Variants in FHIP1A observed in about 807,000 individuals in gnomAD.
FHIP1A encodes FHF complex subunit HOOK-interacting protein 1A.
In FHIP1A, 61 loss-of-function variants were observed where a neutral mutation model predicts 88.6. That is an observed-to-expected ratio of 0.69 (90% CI 0.56 to 0.85). FHIP1A has a LOEUF of 0.85. Ranked by LOEUF, FHIP1A falls within the 40% of genes least tolerant of loss-of-function variation. The pLI is 0.00. For synonymous variants in FHIP1A, 478 were observed against 496.0 expected (o/e 0.96, Z 0.48); for missense variants, 1,154 against 1,273.5 (o/e 0.91, Z 1.43).
chr4:151,484,567 G>A (rs1048574846), intron 3 of FHIP1A, among the ~76,000 whole-genome samples: 2 of 152,192 alleles, frequency 1.3e-5, no homozygotes, highest in African/African-American at 4.8e-5. Context: ...AGGAAATGAT[G>A]GTGGATACTA....
At chr4:151,563,787 C>T (rs762381495) in intron 3 of FHIP1A, among the ~76,000 whole-genome samples, 5 of 151,896 alleles carry the variant, frequency 3.3e-5, no homozygotes, top group Admixed American at 1.3e-4. Context: ...CTCAGGAGTT[C>T]GAGACCAGCC....
intron 1 of FHIP1A, among the ~76,000 whole-genome samples, chr4:151,422,717 C>G (rs112860397): frequency 1.5e-4 from 23 of 152,106 alleles, no homozygotes; most frequent in African/African-American, 5.3e-4. Context: ...GGAGGTACTT[C>G]ACTAGATCCT....
chr4:151,452,936 G>GTATATATATATATATATATATATA (rs111734450), intron 1 of FHIP1A, among the ~76,000 whole-genome samples: 70 of 146,202 alleles, frequency 4.8e-4, no homozygotes, highest in African/African-American at 1.7e-3. Context: ...ACATTGAAAC[G>GTATATATATATATATATATATATA]TATATATATA....
intron 3 of FHIP1A, among the ~76,000 whole-genome samples, chr4:151,561,000 C>G (rs1029078293): frequency 1.3e-5 from 2 of 152,064 alleles, no homozygotes; most frequent in Non-Finnish European, 2.9e-5. Flanking sequence ...CACATTTATT[C>G]TGCTCATCAG....
At chr4:151,649,423 C>A in intron 10 of FHIP1A, 36 bp from the exon 11 acceptor site, 1 of 1,473,004 alleles carries the variant, frequency 6.8e-7, no homozygotes, top group Non-Finnish European at 9.2e-7. Flanking sequence ...GTCCCCACAC[C>A]TCCCTTGTTC....
At chr4:151,536,450 GC>G (rs955069169) in intron 3 of FHIP1A, among the ~76,000 whole-genome samples, 2 of 151,932 alleles carry the variant, frequency 1.3e-5, no homozygotes, top group African/African-American at 4.8e-5. Context: ...CTTCCCTCCT[GC>G]CCTCCCTGCC....
intron 2 of FHIP1A, among the ~76,000 whole-genome samples, chr4:151,464,002 C>T (rs576875189): frequency 6.6e-6 from 1 of 152,262 alleles, no homozygotes; most frequent in African/African-American, 2.4e-5. Context: ...ATATAGCCTT[C>T]TGTCAGCCTC....
intron 3 of FHIP1A, among the ~76,000 whole-genome samples, chr4:151,484,045 T>C (rs1729991889): frequency 6.6e-6 from 1 of 152,200 alleles, no homozygotes; most frequent in Non-Finnish European, 1.5e-5. Context: ...TGATGAACTC[T>C]GAGTTTTGGT....
intron 3 of FHIP1A, among the ~76,000 whole-genome samples, chr4:151,526,690 G>C (rs1731668977): frequency 2.0e-5 from 3 of 151,930 alleles, no homozygotes; most frequent in African/African-American, 7.2e-5. Context: ...TCCCGGACGA[G>C]GTGGCTGCCG....
chr4:151,595,662 G>C (rs1734619525), intron 7 of FHIP1A, among the ~76,000 whole-genome samples: 1 of 152,208 alleles, frequency 6.6e-6, no homozygotes, highest in Non-Finnish European at 1.5e-5. Flanking sequence ...GGGAGTCTAA[G>C]TCTGTTTGTA....
chr4:151,420,763 G>C (rs2126520383), intron 1 of FHIP1A, among the ~76,000 whole-genome samples: 1 of 152,330 alleles, frequency 6.6e-6, no homozygotes, highest in African/African-American at 2.4e-5. Flanking sequence ...TTGCCAGTGA[G>C]TGATTACTGA....
At position 151,624,434 on chromosome 4, in the gene FHIP1A, A is replaced by G. The variant is rs572024284; in HGVS notation, c.979-5268A>G. On this transcript the variant is annotated intron_variant, in intron 7 of 13. Coordinates refer to ENST00000435205, the MANE Select transcript of FHIP1A (RefSeq NM_001109977.3). ...CCCAGGCAGACAGACCCCAGCTCCAAATTCCATTGGGGAGATGAGCGGTGT... is the reference window on the plus strand; with the variant it reads ...CCCAGGCAGACAGACCCCAGCTCCAGATTCCATTGGGGAGATGAGCGGTGT... Among the ~76,000 whole-genome samples, 252 of 152,152 alleles carry G rather than the reference A, an allele frequency of 1.7e-3. 1 individual carries two copies. Among genetic ancestry groups the G allele is most frequent in the African/African-American group, 5.9e-3 (243 of 41,518 alleles).
intron 3 of FHIP1A, among the ~76,000 whole-genome samples, chr4:151,555,847 G>A (rs1732926710): frequency 6.6e-6 from 1 of 152,108 alleles, no homozygotes; most frequent in Non-Finnish European, 1.5e-5. Context: ...TTATGGTTTT[G>A]TGCAAGCAAC....
intron 8 of FHIP1A, among the ~76,000 whole-genome samples, chr4:151,631,486 G>A (rs1736156822): frequency 6.6e-6 from 1 of 152,112 alleles, no homozygotes; most frequent in Non-Finnish European, 1.5e-5. Context: ...GAAAAGCCCA[G>A]ACCCAGATGG....
In FHIP1A at chr4:151,668,091, A is replaced by G. The variant is rs1560834370; in HGVS notation, c.*5337A>G. On this transcript the variant is annotated 3_prime_UTR_variant, in exon 14 of 14. Transcript: ENST00000435205. ...TTACTTACACGACTCTTGCTAAGCTATTTGACTAAGGGTTTCAATCAGATG... is the reference window on the plus strand; with the variant it reads ...TTACTTACACGACTCTTGCTAAGCTGTTTGACTAAGGGTTTCAATCAGATG... Among the ~76,000 whole-genome samples, 1 of 152,158 alleles carries G rather than the reference A, an allele frequency of 6.6e-6. No individual in the cohort carries two copies. Among genetic ancestry groups the G allele is most frequent in the Non-Finnish European group, 1.5e-5 (1 of 68,028 alleles).
chr4:151,585,762 C>G (rs1734187529), intron 5 of FHIP1A, among the ~76,000 whole-genome samples: 1 of 152,124 alleles, frequency 6.6e-6, no homozygotes, highest in Non-Finnish European at 1.5e-5. Context: ...AGTTCTTACC[C>G]CACTTACCAA....
At chr4:151,529,551 C>T (rs1731797526) in intron 3 of FHIP1A, among the ~76,000 whole-genome samples, 1 of 152,204 alleles carries the variant, frequency 6.6e-6, no homozygotes, top group East Asian at 1.9e-4. Flanking sequence ...ATCACTCATT[C>T]TGTCAGGTTC....
intron 1 of FHIP1A, among the ~76,000 whole-genome samples, chr4:151,434,702 T>C (rs1733735232): frequency 6.6e-6 from 1 of 152,194 alleles, no homozygotes; most frequent in South Asian, 2.1e-4. Context: ...GGACTAATCA[T>C]TGGAATTTGA....
chr4:151,409,618 G>A (rs1183386278), intron 1 of FHIP1A, among the ~76,000 whole-genome samples, 153 bp downstream of exon 1: 1 of 152,154 alleles, frequency 6.6e-6, no homozygotes, highest in Admixed American at 6.5e-5. Context: ...ATTGGGCTGG[G>A]GGCCGGCTGG....
Sources: gnomAD v4.1 joint callset for allele counts (sites outside exome capture counted in the v4.1 genomes callset) on GRCh38, gnomAD v4.1.1 for gene constraint, MANE v1.5 for transcripts, NCBI Gene and HGNC (gene_info 2026-07-23, HGNC 2026-07-21) for gene names.